Variants in PLCG2 observed in about 807,000 individuals in gnomAD.
PLCG2 encodes 1-phosphatidylinositol 4,5-bisphosphate phosphodiesterase gamma-2.
PLCG2 carries 69 observed loss-of-function variants against 175.6 expected under a neutral mutation model. The ratio of observed to expected loss-of-function variants is 0.39; its 90% CI spans 0.32 to 0.48. The LOEUF (loss-of-function observed/expected upper bound fraction) is 0.48. PLCG2 is among the 20% of genes least tolerant of loss of function. PLCG2 has a pLI of 0.91. For missense variants in PLCG2, 1,798 were observed against 1,650.9 expected, an observed-to-expected ratio of 1.09 and a Z score of -1.54; for synonymous variants, 827 against 624.0, an observed-to-expected ratio of 1.33 and a Z score of -4.85.
chr16:81,845,806 A>G (rs1027712641), intron 2 of PLCG2, among the ~76,000 whole-genome samples: 2 of 152,196 alleles, frequency 1.3e-5, no homozygotes, highest in Admixed American at 6.5e-5. Flanking sequence ...ACCCCCTCAG[A>G]CTTTGCTGAA....
At position 81,900,791 on chromosome 16, in the gene PLCG2, C is replaced by G. The variant is rs759198585; in HGVS notation, c.1362+11C>G. Reference sequence around the variant, plus strand: ...AAGATCATCATCAAGGTAGGCACCCCGGGTGCTGCTGTTGGCTGTCCAGGG... The same window carrying G: ...AAGATCATCATCAAGGTAGGCACCCGGGGTGCTGCTGTTGGCTGTCCAGGG... On this transcript the variant is annotated intron_variant, in intron 14 of 32. Coordinates refer to ENST00000564138, the MANE Select transcript of PLCG2 (RefSeq NM_002661.5). 1 of 1,591,382 alleles carries G rather than the reference C, an allele frequency of 6.3e-7. No individual in the cohort carries two copies. The highest frequency in any genetic ancestry group is 8.6e-7 in the Non-Finnish European group (1 of 1,161,702).
At chr16:81,913,578 C>T (rs995627445) in intron 19 of PLCG2, among the ~76,000 whole-genome samples, 7 of 152,242 alleles carry the variant, frequency 4.6e-5, no homozygotes, top group African/African-American at 1.4e-4. Context: ...AAATCTCCAG[C>T]CAGAGGCCTG....
intron 2 of PLCG2, among the ~76,000 whole-genome samples, chr16:81,812,519 A>G (rs1056262671): frequency 5.3e-5 from 8 of 151,998 alleles, no homozygotes; most frequent in Admixed American, 5.2e-4. Context: ...TCCTTTGTCC[A>G]CTTTTTGATG....
intron 2 of PLCG2, among the ~76,000 whole-genome samples, chr16:81,792,812 G>A (rs1051871737): frequency 6.6e-6 from 1 of 152,104 alleles, no homozygotes; most frequent in Admixed American, 6.5e-5. Flanking sequence ...TGACACATGA[G>A]GATTATGGGA....
At position 81,880,936 on chromosome 16, in the gene PLCG2, G is replaced by A. The variant is rs776539231; in HGVS notation, c.675G>A (p.Ser225=). The A allele has an allele frequency of 4.3e-6, 7 of 1,613,988 alleles. No individual in the cohort carries two copies. The highest frequency in any genetic ancestry group is 4.5e-5 in the East Asian group (2 of 44,892). The change falls in exon 8 of 33, where the codon TCG becomes TCA. Residue 225 remains serine, a synonymous_variant. Coordinates refer to ENST00000564138, the MANE Select transcript of PLCG2 (RefSeq NM_002661.5). The part of the protein sequence containing the change: ...KSILDEFKKD[S]SVFILGNTDR... ...TTCTCGATGAATTCAAAAAGGATTC[G>A]TCCGTGTTCATCCTGGGGTGAGGCA... is the stretch of plus-strand genomic sequence containing the variant.
At chr16:81,841,036 A>T (rs1294584678) in intron 2 of PLCG2, among the ~76,000 whole-genome samples, 2 of 152,044 alleles carry the variant, frequency 1.3e-5, no homozygotes, top group African/African-American at 4.8e-5. Context: ...AGAATCACAG[A>T]CCTAATTATT....
At chr16:81,813,865 C>T (rs1904425446) in intron 2 of PLCG2, among the ~76,000 whole-genome samples, 1 of 152,274 alleles carries the variant, frequency 6.6e-6, no homozygotes, top group Non-Finnish European at 1.5e-5. Context: ...AAAGCAGAAG[C>T]CTGAAGCTTT....
At chr16:81,859,606 C>T (rs746701873) in intron 5 of PLCG2, among the ~76,000 whole-genome samples, 65 of 152,022 alleles carry the variant, frequency 4.3e-4, no homozygotes, top group Non-Finnish European at 7.8e-4. Flanking sequence ...ATGATCTCAG[C>T]TCACTGCGAG....
chr16:81,955,341 T>C (rs947113152), intron 31 of PLCG2, among the ~76,000 whole-genome samples: 7 of 152,206 alleles, frequency 4.6e-5, no homozygotes, highest in African/African-American at 1.7e-4. Context: ...GATGTTTTTG[T>C]AGCACAGGAG....
Position 81,858,324 on chromosome 16 carries a change from G to T in PLCG2, c.399G>T (p.Ala133=), listed in dbSNP as rs542562241. 2.5e-6 allele frequency: 4 copies of T among 1,613,980 alleles called. No individual in the cohort carries two copies. The highest frequency in any genetic ancestry group is 3.3e-5 in the Admixed American group (2 of 60,022). The change falls in exon 4 of 33, where the codon GCG becomes GCT. Residue 133 remains alanine (A), a synonymous_variant. Transcript: ENST00000564138. ...GCTTGAAAATCTTACACCAGGAAGC[G>T]ATGAATGCGTCCACGCCCACCATTA... is the stretch of plus-strand genomic sequence containing the variant. ...LSGLKILHQE[A]MNASTPTIIE...
At chr16:81,899,120 C>T (rs1022982361) in intron 13 of PLCG2, among the ~76,000 whole-genome samples, 16 of 152,030 alleles carry the variant, frequency 1.1e-4, no homozygotes, top group East Asian at 5.8e-4. Flanking sequence ...ACTTGGGAGG[C>T]GGAGGTTGCA....
At chr16:81,940,651 G>C (rs1307616706) in intron 30 of PLCG2, among the ~76,000 whole-genome samples, 1 of 152,152 alleles carries the variant, frequency 6.6e-6, no homozygotes, top group Admixed American at 6.5e-5. Context: ...GCCAAGCTGG[G>C]TCATACGACC....
At chr16:81,841,017 T>G (rs1035978906) in intron 2 of PLCG2, among the ~76,000 whole-genome samples, 5 of 152,166 alleles carry the variant, frequency 3.3e-5, no homozygotes, top group African/African-American at 1.2e-4. Context: ...TGCATGAATA[T>G]GAAGCATTAG....
intron 1 of PLCG2, among the ~76,000 whole-genome samples, chr16:81,751,429 C>G (rs1909810515): frequency 6.6e-6 from 1 of 152,162 alleles, no homozygotes; most frequent in Admixed American, 6.5e-5. Flanking sequence ...AACAGTCAAA[C>G]TCATAGAAGC....
In PLCG2 at chr16:81,959,013, T is replaced by C. The variant is rs1911683103; in HGVS notation, c.*1015T>C. On this transcript the variant is annotated 3_prime_UTR_variant, in exon 33 of 33. Coordinates refer to ENST00000564138, the MANE Select transcript of PLCG2 (RefSeq NM_002661.5). Reference sequence around the variant, plus strand: ...CCTTGGGGCAGATCTACCTAGTTCATGACAGTATGTGCGGCTGGCCAGGGC... The same window carrying C: ...CCTTGGGGCAGATCTACCTAGTTCACGACAGTATGTGCGGCTGGCCAGGGC... 4.5e-6 allele frequency: 1 copy of C among 223,416 alleles called. No individual in the cohort carries two copies. The allele number at this position is 223,416 out of a possible 1,614,324, so 13.8% of individuals were successfully genotyped here.
At chr16:81,868,909 T>A (rs910292825) in intron 5 of PLCG2, among the ~76,000 whole-genome samples, 2 of 152,144 alleles carry the variant, frequency 1.3e-5, no homozygotes, top group African/African-American at 4.8e-5. Flanking sequence ...ACGCTATAAA[T>A]CTCTTATGTG....
intron 18 of PLCG2, 92 bp downstream of exon 18, chr16:81,910,812 C>A: frequency 1.7e-6 from 2 of 1,198,930 alleles, no homozygotes; most frequent in Non-Finnish European, 2.4e-6. Context: ...CCGGGCCAGT[C>A]CCCCAGGACA....
intron 2 of PLCG2, 100 bp downstream of exon 2, chr16:81,786,282 G>C: frequency 1.1e-6 from 1 of 942,326 alleles, no homozygotes; most frequent in Non-Finnish European, 1.6e-6. Flanking sequence ...ATTGTTGTTG[G>C]TTTGATGTGT....
chr16:81,862,059 G>T (rs1907008537), intron 5 of PLCG2, among the ~76,000 whole-genome samples: 1 of 152,244 alleles, frequency 6.6e-6, no homozygotes, highest in Admixed American at 6.5e-5. Flanking sequence ...GAAGCCTGGA[G>T]GGAGCTTTGC....
Sources: gnomAD v4.1 joint callset for allele counts (sites outside exome capture counted in the v4.1 genomes callset) on GRCh38, gnomAD v4.1.1 for gene constraint, MANE v1.5 for transcripts, NCBI Gene and HGNC (gene_info 2026-07-23, HGNC 2026-07-21) for gene names.